GNG2: variants seen among roughly 807,000 people sequenced by gnomAD.
The protein encoded by GNG2 is guanine nucleotide-binding protein G(I)/G(S)/G(O) subunit gamma-2.
GNG2 carries 5 observed loss-of-function variants against 5.5 expected under a neutral mutation model. That is an observed-to-expected ratio of 0.91 (90% CI 0.48 to 1.92). GNG2 has a LOEUF of 1.92. GNG2 is among the 30% of genes most tolerant of loss of function. The pLI is 0.01. For synonymous variants in GNG2, 28 were observed against 32.0 expected (o/e 0.88, Z 0.42); for missense variants, 55 against 88.4 (o/e 0.62, Z 1.52).
rs17124751 is a variant in GNG2, at chr14:51,938,781, T to G, written c.-29-11869T>G. Among the ~76,000 whole-genome samples the G allele has an allele frequency of 8.1e-3, 1,239 of 152,316 alleles. 21 individuals are homozygous for G. Among genetic ancestry groups the G allele is most frequent in the African/African-American group, 0.028 (1,183 of 41,566 alleles). ...GTTCACCAAAGGATTTCTCATGTTATGATTTTGGAAGCCTAAGAGACCATC... is the reference window on the plus strand; with the variant it reads ...GTTCACCAAAGGATTTCTCATGTTAGGATTTTGGAAGCCTAAGAGACCATC... On this transcript the variant is annotated intron_variant, in intron 2 of 3. Coordinates refer to ENST00000556766, the MANE Select transcript of GNG2 (RefSeq NM_053064.5).
At chr14:51,918,251 C>G (rs565429654) in intron 2 of GNG2, among the ~76,000 whole-genome samples, 1 of 152,164 alleles carries the variant, frequency 6.6e-6, no homozygotes, top group African/African-American at 2.4e-5. Flanking sequence ...TCTTCATGCC[C>G]GTGGTAAAGA....
chr14:51,931,022 G>A (rs1887629185), intron 2 of GNG2, among the ~76,000 whole-genome samples: 1 of 152,110 alleles, frequency 6.6e-6, no homozygotes, highest in Non-Finnish European at 1.5e-5. Flanking sequence ...CTTGAGCCCG[G>A]GATCCCAGGA....
In GNG2 at chr14:51,911,829, G is replaced by A. The variant is rs138399817; in HGVS notation, c.-30+34172G>A. ...CTCCCAAAGCACTGGGATTACAGGCGTGAGCCACCATGCCCATCCTGATAG... is the reference window on the plus strand; with the variant it reads ...CTCCCAAAGCACTGGGATTACAGGCATGAGCCACCATGCCCATCCTGATAG... On this transcript the variant is annotated intron_variant, in intron 2 of 3. Coordinates refer to ENST00000556766, the MANE Select transcript of GNG2 (RefSeq NM_053064.5). Among the ~76,000 whole-genome samples, 10 of 146,898 alleles carry A rather than the reference G, an allele frequency of 6.8e-5. 1 individual carries two copies. The East Asian group carries it at 1.1e-3, about 16-fold the overall frequency.
intron 2 of GNG2, among the ~76,000 whole-genome samples, chr14:51,833,801 T>G (rs1881261755): frequency 6.6e-6 from 1 of 152,272 alleles, no homozygotes; most frequent in Non-Finnish European, 1.5e-5. Flanking sequence ...GCAGTATTGC[T>G]GTGTGCCATC....
chr14:51,914,264 G>A (rs868622208), intron 2 of GNG2: 10 of 702,114 alleles, frequency 1.4e-5, no homozygotes, highest in African/African-American at 8.7e-5. Flanking sequence ...AAACGGACAA[G>A]CCAGACCAAG....
upstream of GNG2, among the ~76,000 whole-genome samples, chr14:51,860,260 G>A (rs1274803979): frequency 6.6e-6 from 1 of 151,790 alleles, no homozygotes; most frequent in Non-Finnish European, 1.5e-5. Flanking sequence ...ACAACAGCAA[G>A]AACAACAATA....
intron 2 of GNG2, among the ~76,000 whole-genome samples, chr14:51,923,352 A>G (rs1336485008): frequency 1.3e-5 from 2 of 152,166 alleles, no homozygotes; most frequent in East Asian, 3.8e-4. Context: ...TTTGAACTGT[A>G]GAGGTTAAGA....
chr14:51,892,582 A>G (rs35145745), intron 2 of GNG2, among the ~76,000 whole-genome samples: 67,499 of 152,112 alleles, frequency 0.44, 15,485 homozygotes, highest in African/African-American at 0.53. Flanking sequence ...GATTACAGGC[A>G]TGAGCCACCA....
At chr14:51,887,280 C>T (rs867315734) in intron 2 of GNG2, among the ~76,000 whole-genome samples, 7 of 152,136 alleles carry the variant, frequency 4.6e-5, no homozygotes, top group Non-Finnish European at 4.4e-5. Flanking sequence ...TTGGGCCTCC[C>T]GACATCAAAG....
intron 2 of GNG2, among the ~76,000 whole-genome samples, chr14:51,853,383 G>C (rs1594838099): frequency 6.6e-6 from 1 of 152,154 alleles, no homozygotes; most frequent in African/African-American, 2.4e-5. Flanking sequence ...CACTGCTATG[G>C]TTCTGTTCGT....
chr14:51,881,005 T>G (rs116135411), intron 2 of GNG2, among the ~76,000 whole-genome samples: 3 of 136,590 alleles, frequency 2.2e-5, no homozygotes, highest in South Asian at 4.9e-4. Flanking sequence ...GATTCAGAAC[T>G]GAGAAGCAGC....
intron 2 of GNG2, among the ~76,000 whole-genome samples, chr14:51,892,379 T>C (rs1369375553): frequency 3.9e-5 from 6 of 152,138 alleles, no homozygotes; most frequent in Non-Finnish European, 7.3e-5. Context: ...TGGCGCGATC[T>C]TGGCGCACTA....
intron 2 of GNG2, among the ~76,000 whole-genome samples, chr14:51,920,753 C>T (rs1886970526): frequency 6.6e-6 from 1 of 152,154 alleles, no homozygotes; most frequent in African/African-American, 2.4e-5. Flanking sequence ...GATGCCTTCA[C>T]CATGAATTTT....
At chr14:51,837,967 C>T (rs943073431) in intron 2 of GNG2, among the ~76,000 whole-genome samples, 6 of 152,036 alleles carry the variant, frequency 3.9e-5, no homozygotes, top group Admixed American at 6.5e-5. Flanking sequence ...AAAATATCCT[C>T]GTCAGTAGTA....
At chr14:51,932,162 G>A (rs965231218) in intron 2 of GNG2, among the ~76,000 whole-genome samples, 2 of 143,152 alleles carry the variant, frequency 1.4e-5, no homozygotes, top group East Asian at 2.1e-4. Flanking sequence ...CAGGAGAATG[G>A]CATGAACCGG....
At chr14:51,856,070 C>T (rs1281108847), upstream of GNG2, among the ~76,000 whole-genome samples, 2 of 152,000 alleles carry the variant, frequency 1.3e-5, no homozygotes, top group Non-Finnish European at 2.9e-5. Context: ...CCCAGCTACT[C>T]GGGAAGCTGA....
At chr14:51,928,739 G>C (rs1887486134) in intron 2 of GNG2, among the ~76,000 whole-genome samples, 1 of 152,144 alleles carries the variant, frequency 6.6e-6, no homozygotes, top group Non-Finnish European at 1.5e-5. Context: ...TTTGGCTCCG[G>C]GTACATACGG....
chr14:51,874,311 G>C (rs538105489), intron 1 of GNG2, among the ~76,000 whole-genome samples: 2 of 151,640 alleles, frequency 1.3e-5, no homozygotes, highest in Non-Finnish European at 2.9e-5. Context: ...TGTACTCCCA[G>C]CTACTTGGGA....
At chr14:51,861,051 C>T (rs551508553) in intron 1 of GNG2, among the ~76,000 whole-genome samples, 2 of 152,186 alleles carry the variant, frequency 1.3e-5, no homozygotes, top group South Asian at 2.1e-4. Context: ...ATAGTTCTCT[C>T]GGAGGAAAAC....
Sources: allele counts gnomAD v4.1 joint callset (sites outside exome capture counted in the v4.1 genomes callset), GRCh38; gene constraint gnomAD v4.1.1; transcripts MANE v1.5; gene names NCBI Gene and HGNC (gene_info 2026-07-23, HGNC 2026-07-21).